LAMA2: variants seen among roughly 807,000 people sequenced by gnomAD.
LAMA2 encodes the protein laminin subunit alpha 2.
LAMA2 carries 269 observed loss-of-function variants against 364.8 expected under a neutral mutation model. That is an observed-to-expected ratio of 0.74 (90% CI 0.67 to 0.82). LAMA2 has a LOEUF of 0.82. Among genes scored for constraint, LAMA2 ranks in the 40% least tolerant of loss-of-function variants. The pLI, the probability that LAMA2 is intolerant of heterozygous loss-of-function variation, is 0.00. For synonymous variants in LAMA2, 1,379 were observed against 1,370.6 expected (o/e 1.01, Z -0.14); for missense variants, 3,807 against 3,873.2 (o/e 0.98, Z 0.45).
chr6:129,314,271 C>T (rs962623343), intron 23 of LAMA2, among the ~76,000 whole-genome samples: 4 of 152,080 alleles, frequency 2.6e-5, no homozygotes, highest in South Asian at 2.1e-4. Flanking sequence ...CGGTGGCGGG[C>T]GCCTGTAGTC....
At chr6:129,390,205 T>A (rs1415379743) in intron 35 of LAMA2, among the ~76,000 whole-genome samples, 2 of 152,200 alleles carry the variant, frequency 1.3e-5, no homozygotes, top group African/African-American at 4.8e-5. Flanking sequence ...AGAAGGCTTG[T>A]TAAAGCCCAG....
At chr6:129,043,826 A>AACTTT (rs1404329746) in intron 1 of LAMA2, among the ~76,000 whole-genome samples, 1 of 152,112 alleles carries the variant, frequency 6.6e-6, no homozygotes, top group East Asian at 1.9e-4. Flanking sequence ...TCAAAGTCCC[A>AACTTT]ACTTTTTTCT....
chr6:129,329,287 A>G (rs1380946491), intron 29 of LAMA2, among the ~76,000 whole-genome samples: 1 of 151,980 alleles, frequency 6.6e-6, no homozygotes, highest in East Asian at 1.9e-4. Context: ...TCTCTTCATC[A>G]TGCTCTGACT....
intron 64 of LAMA2, among the ~76,000 whole-genome samples, 185 bp downstream of exon 64, chr6:129,514,780 T>G (rs1786903593): frequency 6.6e-6 from 1 of 152,222 alleles, no homozygotes; most frequent in African/African-American, 2.4e-5. Context: ...ATTACTTATA[T>G]AAACCACATG....
chr6:129,030,884 A>G (rs1026142158), intron 1 of LAMA2, among the ~76,000 whole-genome samples: 2 of 152,188 alleles, frequency 1.3e-5, no homozygotes, highest in Non-Finnish European at 2.9e-5. Flanking sequence ...AGATTAATAA[A>G]TCATGGCTTC....
rs1232756734 is a variant in LAMA2, at chr6:129,250,171, A to G, written c.1842A>G (p.Glu614=). ...TATCATATGACCTTGAAGAAGAGGA[A>G]GAAGATACAGAACGTGTTCTCCAGC... ...FTISYDLEEE[E]EDTERVLQLM... is the part of the protein sequence containing the mutation. Residue 614 remains glutamate, a synonymous_variant, in exon 13 of 65, where the codon GAA becomes GAG. Transcript: ENST00000421865. The G allele has an allele frequency of 6.2e-7, 1 of 1,608,222 alleles. No individual in the cohort carries two copies. Among genetic ancestry groups the G allele is most frequent in the Non-Finnish European group, 8.5e-7 (1 of 1,174,974 alleles).
intron 27 of LAMA2, among the ~76,000 whole-genome samples, chr6:129,317,357 C>T (rs893914360): frequency 6.6e-6 from 1 of 152,022 alleles, no homozygotes; most frequent in African/African-American, 2.4e-5. Context: ...ATTATGAAGT[C>T]TCTCAATGGC....
In LAMA2 at chr6:129,177,712, C is replaced by G; in HGVS notation, c.1313C>G (p.Ala438Gly). 6.2e-7 allele frequency: 1 copy of G among 1,613,818 alleles called. No individual in the cohort carries two copies. The change falls in exon 10 of 65, where the codon GCA becomes GGA. Residue 438 changes from alanine to glycine, a missense_variant. Ala to Gly is a moderately conservative substitution (Grantham distance 60, BLOSUM62 0). Coordinates refer to ENST00000421865, the MANE Select transcript of LAMA2 (RefSeq NM_000426.4). ...GTGGCTCATCTTTCTTTAGGTTTGG[C>G]ACCTGGATCCTGTCATTGCAAAACT... ...KDEKHARRGL[A>G]PGSCHCKTGF...
intron 40 of LAMA2, among the ~76,000 whole-genome samples, chr6:129,421,599 A>G (rs1360523526): frequency 1.3e-5 from 2 of 152,124 alleles, no homozygotes; most frequent in African/African-American, 4.8e-5. Context: ...CAATGCTGGA[A>G]AAGGTTCTCT....
intron 9 of LAMA2, among the ~76,000 whole-genome samples, chr6:129,174,707 GT>G (rs1440654827): frequency 6.6e-6 from 1 of 152,140 alleles, no homozygotes; most frequent in African/African-American, 2.4e-5. Flanking sequence ...GAAAGACATT[GT>G]TTTAAAGAAT....
intron 51 of LAMA2, among the ~76,000 whole-genome samples, chr6:129,466,522 A>G (rs965688552): frequency 3.3e-5 from 5 of 151,956 alleles, no homozygotes; most frequent in African/African-American, 1.2e-4. Flanking sequence ...TGGCTTTGCA[A>G]TTCTTTATTT....
chr6:129,005,758 A>G (rs970112274), intron 1 of LAMA2, among the ~76,000 whole-genome samples: 2 of 150,842 alleles, frequency 1.3e-5, no homozygotes, highest in African/African-American at 2.4e-5. Flanking sequence ...GGATCTATCT[A>G]TCTATGAGGA....
intron 50 of LAMA2, 105 bp from the exon 51 acceptor site, chr6:129,465,040 C>T (rs1011282739): frequency 2.3e-6 from 2 of 888,560 alleles, no homozygotes; most frequent in Non-Finnish European, 3.8e-6. Flanking sequence ...GTGACATATT[C>T]AGCAATTTAG....
intron 1 of LAMA2, among the ~76,000 whole-genome samples, chr6:128,950,822 A>C (rs1288596983): frequency 6.6e-6 from 1 of 152,148 alleles, no homozygotes; most frequent in Admixed American, 6.6e-5. Flanking sequence ...ATGCCCATAT[A>C]TATATTACAT....
chr6:128,899,139 G>A (rs1776936040), intron 1 of LAMA2, among the ~76,000 whole-genome samples: 1 of 152,058 alleles, frequency 6.6e-6, no homozygotes, highest in South Asian at 2.1e-4. Flanking sequence ...TATAAATTTT[G>A]TTATAAAATG....
intron 55 of LAMA2, 46 bp downstream of exon 55, chr6:129,481,485 T>C (rs373627609): frequency 3.7e-5 from 54 of 1,450,162 alleles, no homozygotes; most frequent in Non-Finnish European, 5.1e-5. Flanking sequence ...AATGCTTATA[T>C]AAAGCAGTTA....
rs1016370220 is a variant in LAMA2 at position 129,359,252 on chromosome 6, A to G, written c.4717+5895A>G. ...TATTATATATAGAATTTTATTTAAT[A>G]TATATAAAACACATATATCAATATT... On this transcript the variant is annotated intron_variant, in intron 32 of 64. Coordinates refer to ENST00000421865, the MANE Select transcript of LAMA2 (RefSeq NM_000426.4). Among the ~76,000 whole-genome samples the G allele has an allele frequency of 1.3e-4, 18 of 142,852 alleles. 1 individual carries two copies. Among genetic ancestry groups the G allele is most frequent in the Admixed American group, 8.0e-4 (11 of 13,692 alleles). The allele number at this position is 142,852 out of a possible 152,430, so 93.7% of individuals were successfully genotyped here. A position where few individuals can be genotyped will look rare whatever the true frequency, so the allele number is the denominator to read the frequency against.
intron 1 of LAMA2, among the ~76,000 whole-genome samples, chr6:128,898,199 CCA>C (rs1776883212): frequency 6.6e-6 from 1 of 152,108 alleles, no homozygotes; most frequent in East Asian, 1.9e-4. Context: ...GGCTTGTTGG[CCA>C]CAGTTTTAGT....
intron 1 of LAMA2, among the ~76,000 whole-genome samples, chr6:128,911,495 C>T (rs931330609): frequency 1.3e-5 from 2 of 152,182 alleles, no homozygotes; most frequent in Admixed American, 6.5e-5. Flanking sequence ...CCTGCTTCGG[C>T]TCACGCACGG....
Sources: gnomAD v4.1 joint callset for allele counts (sites outside exome capture counted in the v4.1 genomes callset) on GRCh38, gnomAD v4.1.1 for gene constraint, MANE v1.5 for transcripts, NCBI Gene and HGNC (gene_info 2026-07-23, HGNC 2026-07-21) for gene names.